The following OR8B4 variants were observed in gnomAD, a reference collection of about 807,000 sequenced individuals.
OR8B4 encodes the protein olfactory receptor 8B4.
A neutral mutation model predicts 1.3 loss-of-function variants in OR8B4; 3 were observed. The observed-to-expected ratio is 2.37, with a 90% CI of 1.08 to 6.13. The LOEUF is 6.13. OR8B4 is among the 30% of genes most tolerant of loss of function. The pLI is 0.02. For missense variants in OR8B4, 360 were observed against 368.9 expected (o/e 0.98, Z 0.20); for synonymous variants, 139 against 144.2 (o/e 0.96, Z 0.26).
Position 124,424,132 on chromosome 11 carries a change from A to G in OR8B4, c.740T>C (p.Val247Ala). The change falls in exon 1 of 1, where the codon GTT becomes GCT. Residue 247 changes from valine (V) to alanine (A), a missense_variant. Transcript: ENST00000356130. Reference sequence around the variant, plus strand: ...TGTCCCTGACCCAAAAAACAGAGCAACAGCAATTATGTGGGAGCCCCATGT... The same window carrying G: ...TGTCCCTGACCCAAAAAACAGAGCAGCAGCAATTATGTGGGAGCCCCATGT... ...FSTWGSHIIA[V>A]ALFFGSGTFT... is the part of the protein sequence containing the mutation. The G allele has an allele frequency of 6.2e-7, 1 of 1,614,226 alleles. No homozygotes were observed. Among genetic ancestry groups the G allele is most frequent in the Non-Finnish European group, 8.5e-7 (1 of 1,180,038 alleles).
At position 124,424,030 on chromosome 11, in the gene OR8B4, AC is replaced by A. The variant is rs1454285187; in HGVS notation, c.841del (p.Val281PhefsTer11). On this transcript the variant is annotated frameshift_variant, in exon 1 of 1. Coordinates refer to ENST00000356130, the MANE Select transcript of OR8B4 (RefSeq NM_001005196.1). LOFTEE classifies it high-confidence loss of function. ...GTAGATCGAAGGGTTAAGCATGGGAACCACATTGGTGTAAAAGACTGAGGCA... is the reference window on the plus strand; with the variant it reads ...GTAGATCGAAGGGTTAAGCATGGGAACACATTGGTGTAAAAGACTGAGGCA... ...RFASVFYTNVVPMLNPSIYSL... is the reference protein window; with the variant it reads ...RFASVFYTNVXPMLNPSIYSL... The A allele has an allele frequency of 6.8e-6, 11 of 1,614,048 alleles. No individual in the cohort carries two copies. The African/African-American group carries it at 1.2e-4, about 18-fold the overall frequency.
rs141660226 is a variant in OR8B4, at chr11:124,424,396, G to T, written c.476C>A (p.Thr159Asn). Residue 159 changes from threonine (T) to asparagine (N), a missense_variant, in exon 1 of 1, where the codon ACT becomes AAT. Thr to Asn is a moderately conservative substitution (Grantham distance 65). Transcript: ENST00000356130. ...GAAGGTCAGTCGCAGCATGCTTCCA[G>T]TGTGGGCCATGGCCCCAGCAAACCC... ...VVGFAGAMAHTGSMLRLTFCD... is the reference protein window; with the variant it reads ...VVGFAGAMAHNGSMLRLTFCD... 5.0e-6 allele frequency: 8 copies of T among 1,613,984 alleles called. No individual in the cohort carries two copies. In the African/African-American group the frequency reaches 6.7e-5, roughly 13 times the overall value.
chr11:124,424,743 C>A lies in OR8B4; in HGVS notation c.129G>T (p.Leu43Phe). ...GIYVFTVVGNLGLITLIGINP... is the reference protein window; with the variant it reads ...GIYVFTVVGNFGLITLIGINP... ...TTATCCCAATTAAGGTGATCAAGCC[C>A]AAGTTGCCCACCACAGTGAACACAT... The change falls in exon 1 of 1, where the codon TTG (leucine) becomes TTT (phenylalanine). Residue 43 changes from leucine to phenylalanine, a missense_variant. By Grantham distance (22) the Leu-to-Phe change is conservative (BLOSUM62 0). Coordinates refer to ENST00000356130, the MANE Select transcript of OR8B4 (RefSeq NM_001005196.1). 1 of 1,614,016 alleles carries A rather than the reference C, an allele frequency of 6.2e-7. No homozygotes were observed. Among genetic ancestry groups the A allele is most frequent in the Non-Finnish European group, 8.5e-7 (1 of 1,179,978 alleles).
At position 124,424,012 on chromosome 11, in the gene OR8B4, G is replaced by T. The variant is rs778949684; in HGVS notation, c.860C>A (p.Ser287Ter). 5 of 1,614,060 alleles carry T rather than the reference G, an allele frequency of 3.1e-6. No homozygotes were observed. Among genetic ancestry groups the T allele is most frequent in the Non-Finnish European group, 4.2e-6 (5 of 1,179,976 alleles). ...YTNVVPMLNPSIYSLRNKDDK... is the reference protein window; with the variant it reads ...YTNVVPMLNP ...ATCCTTATTCCTCAAACTGTAGATC[G>T]AAGGGTTAAGCATGGGAACCACATT... Residue 287 changes from serine (S) to a stop codon, truncating the protein, a stop_gained, in exon 1 of 1, where the codon TCG (serine) becomes TAG (stop). Transcript: ENST00000356130. LOFTEE classifies it high-confidence loss of function.
rs750617290 is a variant in OR8B4, at chr11:124,424,053, G to A, written c.819C>T (p.Ala273=). The change falls in exon 1 of 1, where the codon GCC becomes GCT. Residue 273 remains alanine (A), a synonymous_variant. Coordinates refer to ENST00000356130, the MANE Select transcript of OR8B4 (RefSeq NM_001005196.1). ...GAACCACATTGGTGTAAAAGACTGA[G>A]GCAAATCTGCCATGGTTCATAGAGC... is the stretch of plus-strand genomic sequence containing the variant. ...FPGSMNHGRF[A]SVFYTNVVPM... The A allele has an allele frequency of 6.2e-7, 1 of 1,614,140 alleles. No individual in the cohort carries two copies. Among genetic ancestry groups the A allele is most frequent in the Admixed American group, 1.7e-5 (1 of 60,020 alleles).
chr11:124,424,705 T>A lies in OR8B4; in HGVS notation c.167A>T (p.His56Leu). The change falls in exon 1 of 1, where the codon CAC (histidine) becomes CTC (leucine). Residue 56 changes from histidine to leucine, a missense_variant. Physicochemically the swap from His to Leu is moderately conservative, Grantham distance 99. Coordinates refer to ENST00000356130, the MANE Select transcript of OR8B4 (RefSeq NM_001005196.1). Reference protein sequence around the residue: ...ITLIGINPSLHTPMYFFLFNL... With the variant: ...ITLIGINPSLLTPMYFFLFNL... ...GAAGAGGAAAAAGTACATGGGGGTGTGAAGGCTAGGATTTATCCCAATTAA... is the reference window on the plus strand; with the variant it reads ...GAAGAGGAAAAAGTACATGGGGGTGAGAAGGCTAGGATTTATCCCAATTAA... 1.2e-6 allele frequency: 2 copies of A among 1,614,040 alleles called. No homozygotes were observed. The highest frequency in any genetic ancestry group is 1.7e-6 in the Non-Finnish European group (2 of 1,179,998).
Position 124,424,854 on chromosome 11 carries a change from G to A in OR8B4, c.18C>T (p.Ser6=), listed in dbSNP as rs1861296352. 2 of 1,612,070 alleles carry A rather than the reference G, an allele frequency of 1.2e-6. No individual in the cohort carries two copies. The highest frequency in any genetic ancestry group is 1.1e-5 in the South Asian group (1 of 90,944). The change falls in exon 1 of 1, where the codon AGC becomes AGT. Residue 6 remains serine, a synonymous_variant. Coordinates refer to ENST00000356130, the MANE Select transcript of OR8B4 (RefSeq NM_001005196.1). The part of the protein sequence containing the change: MTLRN[S]SSVTEFILVG... Reference sequence around the variant, plus strand: ...CAAGGATAAACTCAGTCACTGAGGAGCTGTTTCTCAGAGTCATTCTCTCTT... The same window carrying A: ...CAAGGATAAACTCAGTCACTGAGGAACTGTTTCTCAGAGTCATTCTCTCTT...
At position 124,424,352 on chromosome 11, in the gene OR8B4, C is replaced by A; in HGVS notation, c.520G>T (p.Asp174Tyr). 1.9e-6 allele frequency: 3 copies of A among 1,613,938 alleles called. No individual in the cohort carries two copies. In the South Asian group the frequency reaches 3.3e-5, roughly 18 times the overall value. ...GGGAGAACGTCACACAGATAATGGT[C>A]AATGACGTTGGAATCACAGAAGGTC... is the stretch of plus-strand genomic sequence containing the variant. ...RLTFCDSNVI[D>Y]HYLCDVLPLL... is the part of the protein sequence containing the mutation. Residue 174 changes from aspartate to tyrosine, a missense_variant, in exon 1 of 1, where the codon GAC (aspartate) becomes TAC (tyrosine). Coordinates refer to ENST00000356130, the MANE Select transcript of OR8B4 (RefSeq NM_001005196.1).
In OR8B4 at chr11:124,424,583, T is replaced by C; in HGVS notation, c.289A>G (p.Met97Val). ...AAACAGAAGAAAAATAGCTGAGTCATACATCCCACATAAGAGATGATACTT... is the reference window on the plus strand; with the variant it reads ...AAACAGAAGAAAAATAGCTGAGTCACACATCCCACATAAGAGATGATACTT... ...SESIISYVGC[M>V]TQLFFFCFFV... Residue 97 changes from methionine (M) to valine (V), a missense_variant, in exon 1 of 1, where the codon ATG becomes GTG. Met to Val is a conservative substitution (Grantham distance 21, BLOSUM62 1). Coordinates refer to ENST00000356130, the MANE Select transcript of OR8B4 (RefSeq NM_001005196.1). The C allele has an allele frequency of 6.2e-7, 1 of 1,614,148 alleles. No homozygotes were observed. The highest frequency in any genetic ancestry group is 1.1e-5 in the South Asian group (1 of 91,082).
rs1861293276 is a variant in OR8B4, at chr11:124,424,614, A to T, written c.258T>A (p.Val86=). 1 of 1,614,072 alleles carries T rather than the reference A, an allele frequency of 6.2e-7. No individual in the cohort carries two copies. The highest frequency in any genetic ancestry group is 1.3e-5 in the African/African-American group (1 of 74,930). The change falls in exon 1 of 1, where the codon GTT becomes GTA. Residue 86 remains valine, a synonymous_variant. Coordinates refer to ENST00000356130, the MANE Select transcript of OR8B4 (RefSeq NM_001005196.1). ...CCACATAAGAGATGATACTTTCTGA[A>T]ACAAAGTCATTCAGCATTTTGGGGG... ...VFTPKMLNDF[V]SESIISYVGC...
Position 124,424,808 on chromosome 11 carries a change from C to T in OR8B4, c.64G>A (p.Glu22Lys). The change falls in exon 1 of 1, where the codon GAG becomes AAG. Residue 22 changes from glutamate to lysine, a missense_variant. Coordinates refer to ENST00000356130, the MANE Select transcript of OR8B4 (RefSeq NM_001005196.1). ...FILVGLSEQPELQLPLFLLFL... is the reference protein window; with the variant it reads ...FILVGLSEQPKLQLPLFLLFL... The stretch of plus-strand genomic sequence containing the variant: ...AGAAGGAAAAGAGGGAGCTGGAGCT[C>T]TGGCTGTTCTGATAATCCCACAAGG... 6.2e-7 allele frequency: 1 copy of T among 1,613,826 alleles called. No homozygotes were observed. Among genetic ancestry groups the T allele is most frequent in the Non-Finnish European group, 8.5e-7 (1 of 1,179,896 alleles).
In OR8B4 at chr11:124,423,974, G is replaced by A; in HGVS notation, c.898C>T (p.Leu300=). ...AGCACTCTCTTCAGGGTTTTGCCCA[G>A]GGCAAGTTTATCATCCTTATTCCTC... ...SLRNKDDKLA[L]GKTLKRVLF The change falls in exon 1 of 1, where the codon CTG becomes TTG. Residue 300 remains leucine (L), a synonymous_variant. Transcript: ENST00000356130. The A allele has an allele frequency of 3.7e-6, 6 of 1,614,054 alleles. No homozygotes were observed. The highest frequency in any genetic ancestry group is 5.1e-6 in the Non-Finnish European group (6 of 1,179,938).
chr11:124,424,119 A>C lies in OR8B4; in HGVS notation c.753T>G (p.Phe251Leu). 1 of 1,614,202 alleles carries C rather than the reference A, an allele frequency of 6.2e-7. No homozygotes were observed. The highest frequency in any genetic ancestry group is 8.5e-7 in the Non-Finnish European group (1 of 1,180,000). Residue 251 changes from phenylalanine (F) to leucine (L), a missense_variant, in exon 1 of 1, where the codon TTT becomes TTG. By Grantham distance (22) the Phe-to-Leu change is conservative (BLOSUM62 0). Coordinates refer to ENST00000356130, the MANE Select transcript of OR8B4 (RefSeq NM_001005196.1). ...GSHIIAVALFFGSGTFTYLTT... is the reference protein window; with the variant it reads ...GSHIIAVALFLGSGTFTYLTT... ...TTAAGTAGGTGAATGTCCCTGACCC[A>C]AAAAACAGAGCAACAGCAATTATGT...
In OR8B4 at chr11:124,424,305, G is replaced by A; in HGVS notation, c.567C>T (p.Thr189=). The A allele has an allele frequency of 1.9e-6, 3 of 1,613,968 alleles. No individual in the cohort carries two copies. The highest frequency in any genetic ancestry group is 1.7e-6 in the Non-Finnish European group (2 of 1,179,892). Residue 189 remains threonine (T), a synonymous_variant, in exon 1 of 1, where the codon ACC becomes ACT. Transcript: ENST00000356130. ...ATACCAGCTCACTGACATGGGTGCT[G>A]GTGCAGGAGAGCTGCAAGAGGGGGA... ...DVLPLLQLSC[T]STHVSELVFF... is the part of the protein sequence containing the mutation.
Position 124,424,480 on chromosome 11 carries a change from T to C in OR8B4, c.392A>G (p.Tyr131Cys). The change falls in exon 1 of 1, where the codon TAC becomes TGC. Residue 131 changes from tyrosine (Y) to cysteine (C), a missense_variant. By Grantham distance (194) the Tyr-to-Cys change is radical. Transcript: ENST00000356130. ...GACCCTTGGGGACATGGTGACCATG[T>C]AGAGCAGGGGGTTGCAGATGGCCAC... ...RYVAICNPLL[Y>C]MVTMSPRVCF... 6.2e-7 allele frequency: 1 copy of C among 1,614,144 alleles called. No individual in the cohort carries two copies. Among genetic ancestry groups the C allele is most frequent in the Non-Finnish European group, 8.5e-7 (1 of 1,180,006 alleles).
In OR8B4 at chr11:124,424,370, A is replaced by C; in HGVS notation, c.502T>G (p.Cys168Gly). 1.1e-5 allele frequency: 18 copies of C among 1,614,114 alleles called. No homozygotes were observed. Among genetic ancestry groups the C allele is most frequent in the Non-Finnish European group, 1.5e-5 (18 of 1,179,988 alleles). ...HTGSMLRLTFCDSNVIDHYLC... is the reference protein window; with the variant it reads ...HTGSMLRLTFGDSNVIDHYLC... Reference sequence around the variant, plus strand: ...TAATGGTCAATGACGTTGGAATCACAGAAGGTCAGTCGCAGCATGCTTCCA... The same window carrying C: ...TAATGGTCAATGACGTTGGAATCACCGAAGGTCAGTCGCAGCATGCTTCCA... Residue 168 changes from cysteine to glycine, a missense_variant, in exon 1 of 1, where the codon TGT becomes GGT. Cys to Gly is a radical substitution (Grantham distance 159). Coordinates refer to ENST00000356130, the MANE Select transcript of OR8B4 (RefSeq NM_001005196.1).
chr11:124,424,340 A>G lies in OR8B4; in HGVS notation c.532T>C (p.Cys178Arg), dbSNP rs4057749. The G allele has an allele frequency of 0.23, 370,337 of 1,613,550 alleles. 44,254 individuals are homozygous for G. The highest frequency in any genetic ancestry group is 0.41 in the African/African-American group (30,463 of 74,936). ...CDSNVIDHYL[C>R]DVLPLLQLSC... ...AGCTGCAAGAGGGGGAGAACGTCAC[A>G]CAGATAATGGTCAATGACGTTGGAA... The change falls in exon 1 of 1, where the codon TGT becomes CGT. Residue 178 changes from cysteine (C) to arginine (R), a missense_variant. By Grantham distance (180) the Cys-to-Arg change is radical. Transcript: ENST00000356130.
At position 124,424,240 on chromosome 11, in the gene OR8B4, A is replaced by T. The variant is rs201551635; in HGVS notation, c.632T>A (p.Ile211Lys). Reference protein sequence around the residue: ...VVGVITMLSSISIVISYALIL... With the variant: ...VVGVITMLSSKSIVISYALIL... ...CAAAGCGTAAGAGATGACGATGCTT[A>T]TGCTGGATAGCATGGTGATTACTCC... Residue 211 changes from isoleucine (I) to lysine (K), a missense_variant, in exon 1 of 1, where the codon ATA becomes AAA. Transcript: ENST00000356130. The T allele has an allele frequency of 8.1e-6, 13 of 1,614,218 alleles. No homozygotes were observed. Among genetic ancestry groups the T allele is most frequent in the East Asian group, 6.7e-5 (3 of 44,886 alleles).
Position 124,423,996 on chromosome 11 carries a change from C to A in OR8B4, c.876G>T (p.Arg292Ser). 3.1e-6 allele frequency: 5 copies of A among 1,614,138 alleles called. No homozygotes were observed. Among genetic ancestry groups the A allele is most frequent in the South Asian group, 1.1e-5 (1 of 91,086 alleles). Reference sequence around the variant, plus strand: ...CCAGGGCAAGTTTATCATCCTTATTCCTCAAACTGTAGATCGAAGGGTTAA... The same window carrying A: ...CCAGGGCAAGTTTATCATCCTTATTACTCAAACTGTAGATCGAAGGGTTAA... The part of the protein sequence containing the change: ...PMLNPSIYSL[R>S]NKDDKLALGK... Residue 292 changes from arginine to serine, a missense_variant, in exon 1 of 1, where the codon AGG becomes AGT. Physicochemically the swap from Arg to Ser is moderately radical, Grantham distance 110. Coordinates refer to ENST00000356130, the MANE Select transcript of OR8B4 (RefSeq NM_001005196.1).
Sources: allele counts gnomAD v4.1 joint callset, GRCh38; gene constraint gnomAD v4.1.1; transcripts MANE v1.5; gene names NCBI Gene and HGNC (gene_info 2026-07-23, HGNC 2026-07-21).